Variants in ECE1 observed in about 807,000 individuals in gnomAD.
ECE1 encodes endothelin-converting enzyme 1.
Under a neutral mutation model 98.6 loss-of-function variants are expected in ECE1, and 35 were observed. The observed-to-expected ratio is 0.35, with a 90% CI of 0.27 to 0.47. The LOEUF is 0.47. Among genes scored for constraint, ECE1 ranks in the 20% least tolerant of loss-of-function variants. The pLI is 1.00. For missense variants in ECE1, 814 were observed against 1,025.3 expected (o/e 0.79, Z 2.81); for synonymous variants, 394 against 407.1 (o/e 0.97, Z 0.39).
chr1:21,306,212 T>G (rs1638593619), intron 1 of ECE1, among the ~76,000 whole-genome samples: 1 of 152,222 alleles, frequency 6.6e-6, no homozygotes, highest in Admixed American at 6.5e-5. Context: ...GTCAGGAGCT[T>G]GAATTGTAAT....
intron 1 of ECE1, among the ~76,000 whole-genome samples, chr1:21,324,813 A>T (rs1043529225): frequency 5.9e-5 from 9 of 152,154 alleles, no homozygotes; most frequent in Admixed American, 5.2e-4. Context: ...TCCTTCCCCA[A>T]CCGAGTGTGT....
intron 1 of ECE1, among the ~76,000 whole-genome samples, chr1:21,323,892 A>G (rs1242688046): frequency 6.7e-6 from 1 of 148,948 alleles, no homozygotes; most frequent in Admixed American, 6.8e-5. Context: ...ATCTCGGCTC[A>G]CTGCAACCTC....
At chr1:21,250,628 T>C (rs1313780106) in intron 8 of ECE1, among the ~76,000 whole-genome samples, 3 of 152,218 alleles carry the variant, frequency 2.0e-5, no homozygotes, top group Non-Finnish European at 4.4e-5. Context: ...AAAGTAAAAT[T>C]GATCTGTAAT....
intron 2 of ECE1, among the ~76,000 whole-genome samples, chr1:21,282,164 C>T (rs1279230004): frequency 6.6e-6 from 1 of 152,088 alleles, no homozygotes; most frequent in Non-Finnish European, 1.5e-5. Context: ...GTGGCATGCA[C>T]CTGTAGTCCC....
At chr1:21,317,674 G>A (rs1194906305) in intron 1 of ECE1, among the ~76,000 whole-genome samples, 1 of 152,210 alleles carries the variant, frequency 6.6e-6, no homozygotes, top group Non-Finnish European at 1.5e-5. Flanking sequence ...AGCTAGGCAG[G>A]AAAGCCCGGT....
At chr1:21,239,570 A>C (rs943813462) in intron 10 of ECE1, among the ~76,000 whole-genome samples, 5 of 152,226 alleles carry the variant, frequency 3.3e-5, no homozygotes, top group African/African-American at 1.2e-4. Flanking sequence ...CTACTGATAT[A>C]TACGACAGCA....
chr1:21,313,127 C>T (rs962021022), intron 1 of ECE1, among the ~76,000 whole-genome samples: 6 of 152,154 alleles, frequency 3.9e-5, no homozygotes, highest in Non-Finnish European at 8.8e-5. Flanking sequence ...CTATTCCCTC[C>T]TGGACTCTGA....
Position 21,340,343 on chromosome 1 carries a change from C to T in ECE1, c.3+5033G>A, listed in dbSNP as rs943450538. 6.6e-6 allele frequency among the ~76,000 whole-genome samples: 1 copy of T among 152,262 alleles called. No individual in the cohort carries two copies. Among genetic ancestry groups the T allele is most frequent in the Non-Finnish European group, 1.5e-5 (1 of 68,048 alleles). ...AGCCTCCTTCTGTCTTCACTGACTG[C>T]TCTGGGCAGCATGCCAGGGGCGTGG... On this transcript the variant is annotated intron_variant, in intron 1 of 18. Coordinates refer to the ECE1 transcript ENST00000415912. The surrounding 1 kb of genome is among the most constrained non-coding windows in gnomAD (Gnocchi z 4.6).
Position 21,340,858 on chromosome 1 carries a change from A to T in ECE1, c.3+4518T>A, listed in dbSNP as rs1639384733. 6.6e-6 allele frequency among the ~76,000 whole-genome samples: 1 copy of T among 150,636 alleles called. No homozygotes were observed. The highest frequency in any genetic ancestry group is 2.5e-5 in the African/African-American group (1 of 39,972). On this transcript the variant is annotated intron_variant, in intron 1 of 18. Coordinates refer to the ECE1 transcript ENST00000415912. The surrounding 1 kb of genome is among the most constrained non-coding windows in gnomAD (Gnocchi z 4.6). ...ATAAATAAGTAAATTAATTAAATTT[A>T]AAAAATAAACTCCTGAGTGGCTCCC...
intron 10 of ECE1, 122 bp downstream of exon 10, chr1:21,244,867 A>G: frequency 1.1e-6 from 1 of 884,368 alleles, no homozygotes; most frequent in Non-Finnish European, 1.9e-6. Context: ...TGGCATAAGC[A>G]CTCCTTCCGG....
chr1:21,273,283 A>T (rs1326722091), intron 3 of ECE1, among the ~76,000 whole-genome samples: 2 of 151,522 alleles, frequency 1.3e-5, no homozygotes, highest in Non-Finnish European at 2.9e-5. Context: ...TTCTCTGCTG[A>T]GTATGGAGTG....
intron 4 of ECE1, among the ~76,000 whole-genome samples, chr1:21,263,218 G>A (rs1175502076): frequency 6.6e-6 from 1 of 152,182 alleles, no homozygotes; most frequent in Non-Finnish European, 1.5e-5. Context: ...AACCAGCCCT[G>A]GATAGGGACC....
rs1410920501 is a variant in ECE1, at chr1:21,319,513, C to T, written c.3+25863G>A. Among the ~76,000 whole-genome samples the T allele has an allele frequency of 9.2e-5, 14 of 152,136 alleles. No homozygotes were observed. The highest frequency in any genetic ancestry group is 2.1e-4 in the South Asian group (1 of 4,826). The stretch of plus-strand genomic sequence containing the variant: ...CCACCTCTGTCCACCAGGGCACCCC[C>T]GGCACCAAGGGCCAGACTCCCTCTG... On this transcript the variant is annotated intron_variant, in intron 1 of 18. Coordinates refer to the ECE1 transcript ENST00000415912. This position sits in a 1 kb window ranked among gnomAD's most constrained non-coding sequence, Gnocchi z 4.4.
chr1:21,235,829 G>T lies in ECE1; in HGVS notation c.1566+21C>A. 1 of 1,613,572 alleles carries T rather than the reference G, an allele frequency of 6.2e-7. No homozygotes were observed. The highest frequency in any genetic ancestry group is 2.2e-5 in the East Asian group (1 of 44,872). ...AAGGGGGCATTTAGGAACGCAAGGG[G>T]GCAGGGCAGCAGCTACTCACGTCAT... On this transcript the variant is annotated intron_variant, in intron 13 of 18. Transcript: ENST00000374893. This position sits in a 1 kb window ranked among gnomAD's most constrained non-coding sequence, Gnocchi z 4.2.
At chr1:21,283,413 G>C (rs2098257213) in intron 2 of ECE1, among the ~76,000 whole-genome samples, 1 of 152,032 alleles carries the variant, frequency 6.6e-6, no homozygotes, top group Non-Finnish European at 1.5e-5. Flanking sequence ...TGGGATTACA[G>C]GTGTCCGCCA....
chr1:21,255,902 C>A (rs1439761003), intron 8 of ECE1, 45 bp downstream of exon 8: 11 of 1,604,012 alleles, frequency 6.9e-6, no homozygotes, highest in Non-Finnish European at 9.4e-6. Flanking sequence ...CTGTCTGAAA[C>A]CTGGAGGCCA....
chr1:21,309,019 C>G (rs1436571505), intron 1 of ECE1, among the ~76,000 whole-genome samples: 2 of 152,254 alleles, frequency 1.3e-5, no homozygotes, highest in African/African-American at 2.4e-5. Context: ...TAGCAGGAAT[C>G]TGGCACAGGC....
chr1:21,273,044 G>A, intron 3 of ECE1, 133 bp from the exon 4 acceptor site: 2 of 881,312 alleles, frequency 2.3e-6, no homozygotes, highest in Non-Finnish European at 1.8e-6. Context: ...GAACTGGACG[G>A]TCACTAGACC....
chr1:21,258,596 C>G lies in ECE1; in HGVS notation c.762+97G>C, dbSNP rs529028200. 3.8e-4 allele frequency: 476 copies of G among 1,238,090 alleles called. 13 individuals carry two copies. The African/African-American group carries it at 6.8e-3, about 18-fold the overall frequency. 76.7% of individuals were successfully genotyped at this position (1,238,090 alleles called of 1,614,324 possible). ...GAAACTAGAAGACCGCCGTCCCACC[C>G]AGGGCAAGCCCCTCTCCCACCCCAG... On this transcript the variant is annotated intron_variant, in intron 6 of 18. Transcript: ENST00000374893. This position sits in a 1 kb window ranked among gnomAD's most constrained non-coding sequence, Gnocchi z 4.2.
Sources: gnomAD v4.1 joint callset for allele counts (sites outside exome capture counted in the v4.1 genomes callset) on GRCh38, gnomAD v4.1.1 for gene constraint, Gnocchi (gnomAD v3.1) non-coding constraint, MANE v1.5 for transcripts, NCBI Gene and HGNC (gene_info 2026-07-23, HGNC 2026-07-21) for gene names.